Variants in CDKAL1 observed in about 807,000 individuals in gnomAD.
The protein encoded by CDKAL1 is CDKAL1 threonylcarbamoyladenosine tRNA methylthiotransferase.
Under a neutral mutation model 68.2 loss-of-function variants are expected in CDKAL1, and 32 were observed. That is an observed-to-expected ratio of 0.47 (90% CI 0.35 to 0.63). The LOEUF is 0.63. Ranked by LOEUF, CDKAL1 falls within the 30% of genes least tolerant of loss-of-function variation. The pLI is 0.00. For missense variants in CDKAL1, 606 were observed against 696.7 expected (o/e 0.87, Z 1.47); for synonymous variants, 234 against 244.3 (o/e 0.96, Z 0.39).
At chr6:21,140,292 C>G (rs1775830322) in intron 13 of CDKAL1, among the ~76,000 whole-genome samples, 1 of 152,188 alleles carries the variant, frequency 6.6e-6, no homozygotes, top group Non-Finnish European at 1.5e-5. Context: ...TGAATAGTTT[C>G]TAAGTAAACT....
chr6:21,120,428 C>G (rs1263695315), intron 13 of CDKAL1, among the ~76,000 whole-genome samples: 1 of 152,188 alleles, frequency 6.6e-6, no homozygotes, highest in African/African-American at 2.4e-5. Context: ...GTAGTAATAA[C>G]CACAGCTGTG....
In CDKAL1 at chr6:20,937,082, TTCTC is replaced by T. The variant is rs572515024; in HGVS notation, c.743-18333_743-18330del. Among the ~76,000 whole-genome samples the T allele has an allele frequency of 7.2e-5, 11 of 152,306 alleles. No homozygotes were observed. The East Asian group carries it at 1.5e-3, about 21-fold the overall frequency. ...ATTTACCCTTCTTCAAGTGTTTTTTTTCTCTCTTTCTTTTCTTTTTTTTAAAGAC... is the reference window on the plus strand; with the variant it reads ...ATTTACCCTTCTTCAAGTGTTTTTTTTCTTTCTTTTCTTTTTTTTAAAGAC... On this transcript the variant is annotated intron_variant, in intron 9 of 15. Coordinates refer to ENST00000274695, the MANE Select transcript of CDKAL1 (RefSeq NM_017774.3).
At position 20,983,477 on chromosome 6, in the gene CDKAL1, T is replaced by C. The variant is rs1471919069; in HGVS notation, c.910-16750T>C. Among the ~76,000 whole-genome samples the C allele has an allele frequency of 2.0e-5, 3 of 152,302 alleles. No homozygotes were observed. In the East Asian group the frequency reaches 5.8e-4, roughly 29 times the overall value. On this transcript the variant is annotated intron_variant, in intron 10 of 15. Transcript: ENST00000274695. The stretch of plus-strand genomic sequence containing the variant: ...GGCTCACGCCTGTGGTCCCAGCACT[T>C]TGGGAGGCCGAGGTGGGCAGATGAC...
intron 9 of CDKAL1, among the ~76,000 whole-genome samples, chr6:20,948,496 G>A (rs930196171): frequency 5.9e-5 from 9 of 152,120 alleles, no homozygotes; most frequent in African/African-American, 1.9e-4. Flanking sequence ...TGTTAGTCTT[G>A]AAATCTCGAT....
At chr6:20,860,241 C>G (rs942930843) in intron 9 of CDKAL1, among the ~76,000 whole-genome samples, 2 of 151,978 alleles carry the variant, frequency 1.3e-5, no homozygotes, top group Non-Finnish European at 2.9e-5. Flanking sequence ...CCACGCCTGG[C>G]TAATTTTTTG....
chr6:20,721,990 C>T (rs1034377593), intron 5 of CDKAL1, among the ~76,000 whole-genome samples: 1 of 152,060 alleles, frequency 6.6e-6, no homozygotes, highest in African/African-American at 2.4e-5. Context: ...CTTGGCCTCC[C>T]AAAATGCTGG....
chr6:21,149,334 C>T (rs922694784), intron 13 of CDKAL1, among the ~76,000 whole-genome samples: 1 of 151,898 alleles, frequency 6.6e-6, no homozygotes, highest in Admixed American at 6.6e-5. Context: ...TTAGTAGAGA[C>T]AGGGTTTCGC....
chr6:20,903,809 G>T (rs553843754), intron 9 of CDKAL1, among the ~76,000 whole-genome samples: 26 of 152,332 alleles, frequency 1.7e-4, no homozygotes. Flanking sequence ...CTATGCAGAA[G>T]AGGATTCTGG....
At chr6:20,562,629 C>G (rs1307383979) in intron 4 of CDKAL1, among the ~76,000 whole-genome samples, 1 of 151,780 alleles carries the variant, frequency 6.6e-6, no homozygotes, top group South Asian at 2.1e-4. Context: ...GTAATCCCAG[C>G]TACTCGGGAG....
intron 11 of CDKAL1, among the ~76,000 whole-genome samples, chr6:21,023,875 G>A (rs772617014): frequency 2.0e-5 from 3 of 152,074 alleles, no homozygotes; most frequent in Admixed American, 6.6e-5. Flanking sequence ...TAGTGGGTAC[G>A]TTAGTTACTC....
At chr6:20,725,646 T>C (rs1772609798) in intron 5 of CDKAL1, among the ~76,000 whole-genome samples, 1 of 152,152 alleles carries the variant, frequency 6.6e-6, no homozygotes, top group African/African-American at 2.4e-5. Context: ...TAGCCGGGCG[T>C]GGTGGCACAT....
intron 4 of CDKAL1, among the ~76,000 whole-genome samples, chr6:20,613,968 A>G (rs1317416801): frequency 1.4e-5 from 2 of 147,232 alleles, no homozygotes; most frequent in Non-Finnish European, 1.5e-5. Context: ...TTGCCAACAT[A>G]GTTCTATGTA....
intron 6 of CDKAL1, among the ~76,000 whole-genome samples, chr6:20,744,885 TTCATTGGACTGA>T (rs796945797): frequency 4.7e-4 from 72 of 152,360 alleles, no homozygotes; most frequent in African/African-American, 1.7e-3. Flanking sequence ...TTGGTGTTAA[TTCATTGGACTGA>T]TCATTGTAAC....
intron 13 of CDKAL1, among the ~76,000 whole-genome samples, chr6:21,160,651 ACACACG>A (rs149203390): frequency 4.5e-5 from 6 of 134,160 alleles, no homozygotes; most frequent in African/African-American, 8.1e-5. Flanking sequence ...ACACACACAC[ACACACG>A]TGTGTGTGTG....
intron 5 of CDKAL1, among the ~76,000 whole-genome samples, chr6:20,715,542 G>A (rs1313923442): frequency 2.0e-5 from 3 of 152,158 alleles, no homozygotes; most frequent in Admixed American, 2.0e-4. Context: ...TTTATGAAGT[G>A]GTGATTTCAT....
chr6:21,004,273 A>G (rs910494493), intron 11 of CDKAL1, among the ~76,000 whole-genome samples: 1 of 152,232 alleles, frequency 6.6e-6, no homozygotes, highest in Non-Finnish European at 1.5e-5. Context: ...TTTAGCTGGT[A>G]GCAATGTAAG....
intron 11 of CDKAL1, among the ~76,000 whole-genome samples, chr6:21,042,973 T>C (rs1245796187): frequency 6.6e-6 from 1 of 152,206 alleles, no homozygotes; most frequent in African/African-American, 2.4e-5. Context: ...TAATAGTACC[T>C]ACTTTATGGG....
intron 5 of CDKAL1, among the ~76,000 whole-genome samples, chr6:20,714,327 G>A (rs935744991): frequency 6.8e-6 from 1 of 146,590 alleles, no homozygotes; most frequent in Admixed American, 6.8e-5. Context: ...CGTAATCAAT[G>A]ATGTCCCAAA....
chr6:20,707,525 GCA>G (rs2127825628), intron 5 of CDKAL1, among the ~76,000 whole-genome samples: 1 of 152,246 alleles, frequency 6.6e-6, no homozygotes, highest in South Asian at 2.1e-4. Flanking sequence ...CTACCATATA[GCA>G]CCTGTCTGCT....
Sources: gnomAD v4.1 joint callset for allele counts (sites outside exome capture counted in the v4.1 genomes callset) on GRCh38, gnomAD v4.1.1 for gene constraint, MANE v1.5 for transcripts, NCBI Gene and HGNC (gene_info 2026-07-23, HGNC 2026-07-21) for gene names.